The following CLVS1 variants were observed in gnomAD, a reference collection of about 807,000 sequenced individuals.
CLVS1 encodes clavesin-1.
Under a neutral mutation model 33.1 loss-of-function variants are expected in CLVS1, and 10 were observed. The observed-to-expected ratio is 0.30, with a 90% CI of 0.19 to 0.51. CLVS1 has a LOEUF of 0.51. Ranked by LOEUF, CLVS1 falls within the 20% of genes least tolerant of loss-of-function variation. The pLI is 0.97. For synonymous variants in CLVS1, 163 were observed against 166.1 expected (o/e 0.98, Z 0.14); for missense variants, 343 against 433.4 (o/e 0.79, Z 1.85).
intron 2 of CLVS1, among the ~76,000 whole-genome samples, chr8:61,308,423 GC>G (rs1810708967): frequency 1.3e-5 from 2 of 152,210 alleles, no homozygotes; most frequent in South Asian, 4.2e-4. Flanking sequence ...CTGAAAGACT[GC>G]AAGTGGGTTT....
chr8:61,014,117 G>C, the CLVS1 span, among the ~76,000 whole-genome samples: 1 of 147,310 alleles, frequency 6.8e-6, no homozygotes, highest in Non-Finnish European at 1.5e-5. Context: ...TTCTTGTAAA[G>C]GTGGCGTGGT....
At chr8:61,054,183 C>T (rs886121367), upstream of CLVS1, among the ~76,000 whole-genome samples, 3 of 152,294 alleles carry the variant, frequency 2.0e-5, no homozygotes, top group Admixed American at 1.3e-4. Context: ...TTAGCTGCCG[C>T]AATTGCCTGG....
At chr8:61,334,044 T>C (rs1368744902) in intron 2 of CLVS1, among the ~76,000 whole-genome samples, 1 of 152,232 alleles carries the variant, frequency 6.6e-6, no homozygotes, top group Non-Finnish European at 1.5e-5. Context: ...GTTCTTTTTA[T>C]GTCTGTGTAG....
At chr8:61,060,624 C>T (rs927411995) in intron 1 of CLVS1, among the ~76,000 whole-genome samples, 8 of 152,140 alleles carry the variant, frequency 5.3e-5, no homozygotes, top group African/African-American at 1.7e-4. Flanking sequence ...CCCTTCCCAC[C>T]CCTTATATTC....
intron 2 of CLVS1, among the ~76,000 whole-genome samples, chr8:61,253,137 A>G (rs925861921): frequency 6.6e-6 from 1 of 152,126 alleles, no homozygotes; most frequent in Non-Finnish European, 1.5e-5. Flanking sequence ...ATCTCTCAGC[A>G]TTTGCTTGTC....
At chr8:61,398,461 C>T (rs1194666006) in intron 3 of CLVS1, among the ~76,000 whole-genome samples, 4 of 152,068 alleles carry the variant, frequency 2.6e-5, no homozygotes, top group South Asian at 4.1e-4. Context: ...GGATTGCAGA[C>T]GTGAGCCACC....
chr8:61,035,535 C>T, the CLVS1 span, among the ~76,000 whole-genome samples: 13 of 152,198 alleles, frequency 8.5e-5, no homozygotes, highest in Admixed American at 2.6e-4. Flanking sequence ...CGTGTCTCAC[C>T]GTTACAGAGA....
intron 2 of CLVS1, among the ~76,000 whole-genome samples, chr8:61,272,296 G>C (rs893265628): frequency 6.6e-6 from 1 of 152,054 alleles, no homozygotes; most frequent in South Asian, 2.1e-4. Context: ...GAAAATTCTT[G>C]TCTTTAAGAA....
At chr8:61,033,703 C>T in the CLVS1 span, among the ~76,000 whole-genome samples, 1 of 152,196 alleles carries the variant, frequency 6.6e-6, no homozygotes, top group African/African-American at 2.4e-5. Context: ...TGGGGGGGCA[C>T]TTCTGCCTTT....
chr8:60,977,605 G>A, the CLVS1 span, among the ~76,000 whole-genome samples: 28 of 152,250 alleles, frequency 1.8e-4, no homozygotes, highest in African/African-American at 6.5e-4. Context: ...ATGAACTTGA[G>A]ACAATTGAGA....
intron 2 of CLVS1, among the ~76,000 whole-genome samples, chr8:61,212,036 G>A (rs2129307480): frequency 6.6e-6 from 1 of 152,298 alleles, no homozygotes; most frequent in South Asian, 2.1e-4. Flanking sequence ...ATTAATTTTG[G>A]CTCAGTGAAA....
chr8:61,242,196 A>T (rs1808710414), intron 2 of CLVS1, among the ~76,000 whole-genome samples: 1 of 152,074 alleles, frequency 6.6e-6, no homozygotes, highest in African/African-American at 2.4e-5. Flanking sequence ...ATGTTTCATT[A>T]AATTTTAGAT....
At chr8:61,034,502 T>G in the CLVS1 span, among the ~76,000 whole-genome samples, 1 of 152,178 alleles carries the variant, frequency 6.6e-6, no homozygotes, top group Non-Finnish European at 1.5e-5. Flanking sequence ...TAGCTGAAAC[T>G]TTGTACCATT....
At chr8:61,251,273 T>C (rs765874926) in intron 2 of CLVS1, among the ~76,000 whole-genome samples, 10 of 152,310 alleles carry the variant, frequency 6.6e-5, no homozygotes, top group Non-Finnish European at 1.2e-4. Flanking sequence ...GCCAACTTCA[T>C]CATGTGGATA....
chr8:61,305,676 C>A (rs770057229), intron 2 of CLVS1, among the ~76,000 whole-genome samples: 1 of 151,904 alleles, frequency 6.6e-6, no homozygotes, highest in Non-Finnish European at 1.5e-5. Flanking sequence ...GCCTAGTATT[C>A]ATTAGTTAGT....
chr8:61,325,790 G>C (rs936522870), intron 2 of CLVS1, among the ~76,000 whole-genome samples: 3 of 152,122 alleles, frequency 2.0e-5, no homozygotes, highest in African/African-American at 7.2e-5. Flanking sequence ...CTATATGAAA[G>C]AGTTTTATTT....
At chr8:60,990,901 G>A in the CLVS1 span, among the ~76,000 whole-genome samples, 2 of 151,904 alleles carry the variant, frequency 1.3e-5, no homozygotes, top group Non-Finnish European at 2.9e-5. Context: ...TAGCAGAGAC[G>A]GGTTTTCACC....
At chr8:61,119,948 G>C (rs1197628832) in intron 1 of CLVS1, among the ~76,000 whole-genome samples, 6 of 140,286 alleles carry the variant, frequency 4.3e-5, no homozygotes, top group African/African-American at 1.4e-4. Flanking sequence ...AGTTCTCCTG[G>C]ATAATATCCT....
At chr8:61,073,793 A>T (rs1804845623) in intron 1 of CLVS1, among the ~76,000 whole-genome samples, 1 of 148,512 alleles carries the variant, frequency 6.7e-6, no homozygotes, top group South Asian at 2.1e-4. Flanking sequence ...CAGGCGGATC[A>T]CGAGGTCAGG....
Sources: allele counts gnomAD v4.1 joint callset (sites outside exome capture counted in the v4.1 genomes callset), GRCh38; gene constraint gnomAD v4.1.1; transcripts MANE v1.5; gene names NCBI Gene and HGNC (gene_info 2026-07-23, HGNC 2026-07-21).